Variants in MBNL2 observed in about 807,000 individuals in gnomAD.
MBNL2 encodes the protein muscleblind like splicing regulator 2.
A neutral mutation model predicts 41.9 loss-of-function variants in MBNL2; 17 were observed. That is an observed-to-expected ratio of 0.41 (90% CI 0.28 to 0.61). The LOEUF (loss-of-function observed/expected upper bound fraction) is 0.61, where lower values mean the gene tolerates loss of function less well. Ranked by LOEUF, MBNL2 falls within the 20% of genes least tolerant of loss-of-function variation. MBNL2 has a pLI of 0.35. For missense variants in MBNL2, 336 were observed against 505.6 expected (o/e 0.66, Z 3.22); for synonymous variants, 195 against 182.9 (o/e 1.07, Z -0.53).
chr13:97,248,248 A>G (rs2045868323), intron 1 of MBNL2, among the ~76,000 whole-genome samples: 1 of 152,162 alleles, frequency 6.6e-6, no homozygotes, highest in Non-Finnish European at 1.5e-5. Flanking sequence ...CAGCCTCCCA[A>G]GTAGCTGGGA....
In MBNL2 at chr13:97,308,970, G is replaced by A. The variant is rs189301943; in HGVS notation, c.175-25306G>A. Among the ~76,000 whole-genome samples the A allele has an allele frequency of 6.9e-4, 105 of 152,278 alleles. 1 individual carries two copies. Among genetic ancestry groups the A allele is most frequent in the Non-Finnish European group, 1.2e-3 (82 of 68,032 alleles). On this transcript the variant is annotated intron_variant, in intron 2 of 8. Coordinates refer to ENST00000679496, the MANE Select transcript of MBNL2 (RefSeq NM_001382683.1). ...GACTGAGGAGTCATCATGGAGAAAG[G>A]GCATCAGAGATGGGCCTGTGGGGGT...
the MBNL2 span, among the ~76,000 whole-genome samples, chr13:97,163,877 G>A: frequency 2.6e-5 from 4 of 152,214 alleles, no homozygotes; most frequent in African/African-American, 9.6e-5. Flanking sequence ...CAGAGGCAGA[G>A]ATTGGAGTTT....
chr13:97,223,224 T>C (rs2041071876), intron 1 of MBNL2, among the ~76,000 whole-genome samples: 1 of 152,226 alleles, frequency 6.6e-6, no homozygotes, highest in African/African-American at 2.4e-5. Flanking sequence ...ATCTGATCTT[T>C]ATGCATTTTT....
intron 1 of MBNL2, among the ~76,000 whole-genome samples, chr13:97,265,582 T>A (rs1292666858): frequency 6.6e-6 from 1 of 152,044 alleles, no homozygotes. Flanking sequence ...TTCTACTTTC[T>A]TTTACTTATA....
At chr13:97,307,627 T>G (rs934163999) in intron 2 of MBNL2, among the ~76,000 whole-genome samples, 1 of 152,218 alleles carries the variant, frequency 6.6e-6, no homozygotes, top group Non-Finnish European at 1.5e-5. Flanking sequence ...TTGTGCAGAT[T>G]TGTGATATAA....
the MBNL2 span, among the ~76,000 whole-genome samples, chr13:97,148,251 G>C: frequency 2.0e-5 from 3 of 152,266 alleles, no homozygotes; most frequent in Admixed American, 2.0e-4. Flanking sequence ...TAAAAAGGTA[G>C]CTCTGCATTT....
the MBNL2 span, among the ~76,000 whole-genome samples, chr13:97,162,190 A>C: frequency 1.3e-5 from 2 of 152,164 alleles, no homozygotes; most frequent in African/African-American, 4.8e-5. Context: ...TGCGCCCCTA[A>C]GAGTCAATCA....
intron 7 of MBNL2, among the ~76,000 whole-genome samples, chr13:97,358,820 G>A (rs921003082): frequency 2.6e-5 from 4 of 152,112 alleles, no homozygotes; most frequent in African/African-American, 4.8e-5. Context: ...TGAACTTTTC[G>A]AGCTTATTAT....
At chr13:97,166,654 G>A in the MBNL2 span, among the ~76,000 whole-genome samples, 2 of 152,086 alleles carry the variant, frequency 1.3e-5, no homozygotes, top group African/African-American at 4.8e-5. Flanking sequence ...GATGCTTCCT[G>A]CCCTGGAACA....
At chr13:97,208,644 TG>T in the MBNL2 span, among the ~76,000 whole-genome samples, 1 of 152,106 alleles carries the variant, frequency 6.6e-6, no homozygotes, top group African/African-American at 2.4e-5. Context: ...GGAAAAATAA[TG>T]ACAAAACTAG....
intron 8 of MBNL2, among the ~76,000 whole-genome samples, chr13:97,386,639 G>T (rs1031095974): frequency 6.6e-6 from 1 of 152,176 alleles, no homozygotes; most frequent in South Asian, 2.1e-4. Context: ...TTAAATGGCT[G>T]CTCATAACAT....
At chr13:97,153,299 G>A in the MBNL2 span, among the ~76,000 whole-genome samples, 279 of 151,868 alleles carry the variant, frequency 1.8e-3, 1 homozygote, top group African/African-American at 6.4e-3. Context: ...GCACATGCAC[G>A]TGTGTTTGAG....
intron 2 of MBNL2, among the ~76,000 whole-genome samples, chr13:97,319,225 G>A (rs111837893): frequency 9.4e-5 from 14 of 148,904 alleles, no homozygotes; most frequent in Admixed American, 4.1e-4. Flanking sequence ...GACACCCGGC[G>A]GGTGTTAGGG....
intron 3 of MBNL2, among the ~76,000 whole-genome samples, chr13:97,335,930 TTTAG>T (rs1174282296): frequency 4.6e-5 from 7 of 152,218 alleles, no homozygotes; most frequent in Non-Finnish European, 1.0e-4. Flanking sequence ...GCTAAAATAA[TTTAG>T]TTATACATAT....
chr13:97,300,115 G>A (rs1023014553), intron 2 of MBNL2, among the ~76,000 whole-genome samples: 1 of 152,144 alleles, frequency 6.6e-6, no homozygotes, highest in South Asian at 2.1e-4. Context: ...AGAAAATGCG[G>A]GAGAGGACTA....
intron 8 of MBNL2, among the ~76,000 whole-genome samples, chr13:97,369,148 A>T (rs1594277584): frequency 6.6e-6 from 1 of 152,320 alleles, no homozygotes; most frequent in East Asian, 1.9e-4. Context: ...AGCATCAGCA[A>T]AAGACCTTGG....
chr13:97,307,856 A>G (rs2058260986), intron 2 of MBNL2, among the ~76,000 whole-genome samples: 1 of 152,172 alleles, frequency 6.6e-6, no homozygotes. Flanking sequence ...GAGGGCACGG[A>G]TCGTATTTTC....
At chr13:97,382,864 G>A (rs2065599479) in intron 8 of MBNL2, among the ~76,000 whole-genome samples, 1 of 151,308 alleles carries the variant, frequency 6.6e-6, no homozygotes, top group South Asian at 2.1e-4. Flanking sequence ...TTTTTTCCTG[G>A]CTATCATGCA....
At chr13:97,195,604 G>C in the MBNL2 span, among the ~76,000 whole-genome samples, 2 of 152,156 alleles carry the variant, frequency 1.3e-5, no homozygotes, top group African/African-American at 4.8e-5. Flanking sequence ...TTTTAGGCTA[G>C]AAATTCAATA....
Sources: gnomAD v4.1 joint callset for allele counts (sites outside exome capture counted in the v4.1 genomes callset) on GRCh38, gnomAD v4.1.1 for gene constraint, MANE v1.5 for transcripts, NCBI Gene and HGNC (gene_info 2026-07-23, HGNC 2026-07-21) for gene names.